The following LUZP2 variants were observed in gnomAD, a reference collection of about 807,000 sequenced individuals.
LUZP2 encodes leucine zipper protein 2.
LUZP2 carries 52 observed loss-of-function variants against 51.6 expected under a neutral mutation model. That is an observed-to-expected ratio of 1.01 (90% CI 0.81 to 1.27). The LOEUF is 1.27. Ranked by LOEUF, LUZP2 falls within the 50% of genes most tolerant of loss-of-function variation. The pLI, the probability that LUZP2 is intolerant of heterozygous loss-of-function variation, is 0.00. For missense variants in LUZP2, 436 were observed against 395.4 expected, an observed-to-expected ratio of 1.10 and a Z score of -0.87; for synonymous variants, 154 against 137.3, an observed-to-expected ratio of 1.12 and a Z score of -0.85.
chr11:24,593,543 T>C (rs1838864210), intron 1 of LUZP2, among the ~76,000 whole-genome samples: 2 of 152,130 alleles, frequency 1.3e-5, no homozygotes, highest in African/African-American at 4.8e-5. Flanking sequence ...GGTGACCGAT[T>C]TGTCTTGGCT....
At chr11:24,698,811 T>A (rs939942263) in intron 1 of LUZP2, among the ~76,000 whole-genome samples, 1 of 152,026 alleles carries the variant, frequency 6.6e-6, no homozygotes, top group Non-Finnish European at 1.5e-5. Context: ...ATCCTCTCAC[T>A]TTGGAAGGCT....
chr11:25,040,343 A>ATTTTTTTTTTTTTTTTTGT (rs1858013887), intron 9 of LUZP2, among the ~76,000 whole-genome samples: 1 of 98,828 alleles, frequency 1.0e-5, no homozygotes, highest in Non-Finnish European at 1.8e-5. Flanking sequence ...TTTCTTTCCG[A>ATTTTTTTTTTTTTTTTTGT]TTTTTTTTTT....
chr11:24,634,358 T>G (rs959568894), intron 1 of LUZP2, among the ~76,000 whole-genome samples: 1 of 152,058 alleles, frequency 6.6e-6, no homozygotes, highest in East Asian at 1.9e-4. Context: ...CCTAAACTGG[T>G]AGCTCCCATC....
At chr11:24,886,507 T>C (rs1852670729) in intron 5 of LUZP2, among the ~76,000 whole-genome samples, 1 of 152,208 alleles carries the variant, frequency 6.6e-6, no homozygotes, top group African/African-American at 2.4e-5. Flanking sequence ...TGCCAATCCT[T>C]TCTAGCTGGG....
chr11:24,994,611 A>G (rs780864851), intron 9 of LUZP2, among the ~76,000 whole-genome samples: 1 of 152,184 alleles, frequency 6.6e-6, no homozygotes, highest in Admixed American at 6.5e-5. Context: ...ATTCTTGGTC[A>G]TTGCATTTTT....
Position 25,073,406 on chromosome 11 carries a change from T to C in LUZP2, c.859-3923T>C, listed in dbSNP as rs1859211359. On this transcript the variant is annotated intron_variant, in intron 10 of 11. Transcript: ENST00000336930. ...AAACTTTGGTTTTCTTCTCCCTGTG[T>C]GGAGGAAGTGCTGGGAGAATCTCCG... 3.3e-5 allele frequency among the ~76,000 whole-genome samples: 5 copies of C among 152,170 alleles called. No homozygotes were observed. In the South Asian group the frequency reaches 8.3e-4, roughly 25 times the overall value.
At chr11:24,918,638 T>TA (rs370733849) in intron 7 of LUZP2, among the ~76,000 whole-genome samples, 18 of 148,592 alleles carry the variant, frequency 1.2e-4, no homozygotes, top group South Asian at 4.2e-4. Context: ...TGTAATTCTT[T>TA]AAAAAAAAAA....
intron 9 of LUZP2, among the ~76,000 whole-genome samples, chr11:25,039,564 A>G (rs542065757): frequency 6.6e-6 from 1 of 152,226 alleles, no homozygotes; most frequent in East Asian, 1.9e-4. Context: ...GAGCTGACCC[A>G]TACTCAAAGG....
intron 1 of LUZP2, among the ~76,000 whole-genome samples, chr11:24,509,562 T>C (rs1283124471): frequency 6.7e-6 from 1 of 149,212 alleles, no homozygotes; most frequent in Non-Finnish European, 1.5e-5. Context: ...TTAATAAATA[T>C]ATTACTCATA....
intron 1 of LUZP2, among the ~76,000 whole-genome samples, chr11:24,601,880 G>GTATATATGTA (rs1554961762): frequency 0.21 from 5,454 of 26,076 alleles, 301 homozygotes; most frequent in South Asian, 0.48. Flanking sequence ...ATGTATACAT[G>GTATATATGTA]TATATATGTA....
chr11:24,596,413 A>G (rs560988991), intron 1 of LUZP2, among the ~76,000 whole-genome samples: 36 of 152,316 alleles, frequency 2.4e-4, no homozygotes, highest in Non-Finnish European at 5.0e-4. Flanking sequence ...AAACTTAATG[A>G]GAGATTTGTA....
chr11:24,662,629 A>G (rs1227812608), intron 1 of LUZP2, among the ~76,000 whole-genome samples: 1 of 152,124 alleles, frequency 6.6e-6, no homozygotes, highest in Non-Finnish European at 1.5e-5. Context: ...ATAATGAAGA[A>G]AAGGCTTAAT....
intron 1 of LUZP2, among the ~76,000 whole-genome samples, chr11:24,566,627 C>T (rs12797077): frequency 0.045 from 3,269 of 73,266 alleles, 114 homozygotes; most frequent in African/African-American, 0.16. Flanking sequence ...TAGATATACA[C>T]ACACACACAC....
At chr11:24,703,668 C>CA (rs35979167) in intron 1 of LUZP2, among the ~76,000 whole-genome samples, 33,705 of 144,446 alleles carry the variant, frequency 0.23, 3,864 homozygotes, top group East Asian at 0.34. Context: ...ACTAAAAATA[C>CA]AAAAAAAAAA....
chr11:24,695,378 T>G (rs572943762), intron 1 of LUZP2, among the ~76,000 whole-genome samples: 1 of 152,206 alleles, frequency 6.6e-6, no homozygotes, highest in South Asian at 2.1e-4. Context: ...TACAGTGTGA[T>G]GTTTTGATAC....
At chr11:24,741,117 C>G (rs1375695561) in intron 4 of LUZP2, among the ~76,000 whole-genome samples, 1 of 152,050 alleles carries the variant, frequency 6.6e-6, no homozygotes, top group Non-Finnish European at 1.5e-5. Context: ...TTCCTCAACT[C>G]TATTTACATT....
At position 24,636,843 on chromosome 11, in the gene LUZP2, G is replaced by A. The variant is rs932789152; in HGVS notation, c.63-92326G>A. On this transcript the variant is annotated intron_variant, in intron 1 of 11. Coordinates refer to ENST00000336930, the MANE Select transcript of LUZP2 (RefSeq NM_001009909.4). Reference sequence around the variant, plus strand: ...AGATTAAAAATAAAATTTTTTACATGAGGTAATATGAAAGAACAGAGGGCA... The same window carrying A: ...AGATTAAAAATAAAATTTTTTACATAAGGTAATATGAAAGAACAGAGGGCA... Among the ~76,000 whole-genome samples the A allele has an allele frequency of 3.3e-5, 5 of 151,888 alleles. 1 individual carries two copies. Among genetic ancestry groups the A allele is most frequent in the East Asian group, 1.9e-4 (1 of 5,196 alleles).
chr11:24,510,694 G>T (rs1344557194), intron 1 of LUZP2, among the ~76,000 whole-genome samples: 1 of 151,890 alleles, frequency 6.6e-6, no homozygotes, highest in African/African-American at 2.4e-5. Context: ...ATAACATATT[G>T]TTTTGTGACT....
At chr11:24,691,116 G>A (rs1415520593) in intron 1 of LUZP2, among the ~76,000 whole-genome samples, 1 of 151,848 alleles carries the variant, frequency 6.6e-6, no homozygotes, top group Non-Finnish European at 1.5e-5. Context: ...CAAAAAATCT[G>A]TAACAATACA....
Sources: allele counts gnomAD v4.1 joint callset (sites outside exome capture counted in the v4.1 genomes callset), GRCh38; gene constraint gnomAD v4.1.1; transcripts MANE v1.5; gene names NCBI Gene and HGNC (gene_info 2026-07-23, HGNC 2026-07-21).